The following GSE1 variants were observed in gnomAD, a reference collection of about 807,000 sequenced individuals.
GSE1 encodes the protein Gse1 coiled-coil protein, also known as genetic suppressor element 1.
Under a neutral mutation model 112.6 loss-of-function variants are expected in GSE1, and 32 were observed. That is an observed-to-expected ratio of 0.28 (90% CI 0.21 to 0.38). The LOEUF (loss-of-function observed/expected upper bound fraction) is 0.38, where lower values mean the gene tolerates loss of function less well. Among genes scored for constraint, GSE1 ranks in the 10% least tolerant of loss-of-function variants. The pLI, the probability that GSE1 is intolerant of heterozygous loss-of-function variation, is 1.00. For synonymous variants in GSE1, 1,115 were observed against 735.6 expected, an observed-to-expected ratio of 1.52 and a Z score of -8.35; for missense variants, 2,348 against 1,699.2, an observed-to-expected ratio of 1.38 and a Z score of -6.71.
chr16:85,613,924 C>A (rs1185897922), intron 1 of GSE1, among the ~76,000 whole-genome samples: 1 of 150,560 alleles, frequency 6.6e-6, no homozygotes, highest in Non-Finnish European at 1.5e-5. Context: ...TCCCCTCCCC[C>A]TCCCCGACCC....
At chr16:85,658,692 G>A (rs1323223069) in intron 8 of GSE1, among the ~76,000 whole-genome samples, 2 of 152,260 alleles carry the variant, frequency 1.3e-5, no homozygotes, top group Middle Eastern at 3.4e-3. Flanking sequence ...CCCAGCCCCC[G>A]TCCCTGAGGC....
intron 2 of GSE1, among the ~76,000 whole-genome samples, chr16:85,638,819 G>C (rs576605034): frequency 6.6e-6 from 1 of 151,648 alleles, no homozygotes; most frequent in Non-Finnish European, 1.5e-5. Context: ...CTGGGAGGGC[G>C]TGTGCTTCCC....
chr16:85,533,854 G>A (rs1354233399), intron 2 of GSE1, among the ~76,000 whole-genome samples: 1 of 152,162 alleles, frequency 6.6e-6, no homozygotes, highest in Non-Finnish European at 1.5e-5. Flanking sequence ...AACAGAGGGA[G>A]ACCCTGTCTT....
At chr16:85,446,747 G>A (rs575537893) in intron 2 of GSE1, among the ~76,000 whole-genome samples, 14 of 152,284 alleles carry the variant, frequency 9.2e-5, no homozygotes, top group Admixed American at 6.5e-4. Flanking sequence ...TGGTGGAGGC[G>A]GTAGCCTGCG....
intron 1 of GSE1, among the ~76,000 whole-genome samples, chr16:85,603,946 T>C (rs2047574067): frequency 6.6e-6 from 1 of 152,240 alleles, no homozygotes; most frequent in South Asian, 2.1e-4. Flanking sequence ...TTTCTTTTTT[T>C]CTTTTTAATT....
rs754414555 is a variant in GSE1, at chr16:85,663,336, C to T, written c.2374-8C>T. ...CTTCAAACTCATTTGTTTTCTTTCC[C>T]AATCTAGAAGCTAGAGTTTTTGCAA... is the stretch of plus-strand genomic sequence containing the variant. On this transcript the variant is annotated splice_region_variant and splice_polypyrimidine_tract_variant and intron_variant, in intron 10 of 15. Coordinates refer to ENST00000253458, the MANE Select transcript of GSE1 (RefSeq NM_014615.5). 12 of 1,613,168 alleles carry T rather than the reference C, an allele frequency of 7.4e-6. No homozygotes were observed. Among genetic ancestry groups the T allele is most frequent in the Non-Finnish European group, 8.5e-6 (10 of 1,179,740 alleles).
intron 1 of GSE1, among the ~76,000 whole-genome samples, chr16:85,220,370 A>C (rs902787931): frequency 1.3e-5 from 2 of 152,224 alleles, no homozygotes; most frequent in African/African-American, 4.8e-5. Context: ...GCGAGGCTCC[A>C]AGCCGGCGAG....
chr16:85,319,092 A>G (rs8049886), intron 1 of GSE1, among the ~76,000 whole-genome samples: 25,162 of 152,096 alleles, frequency 0.17, 2,463 homozygotes, highest in East Asian at 0.32. Context: ...GGGGCCCAGC[A>G]TGTCATAGGC....
chr16:85,191,602 C>G (rs2074822420), intron 1 of GSE1, among the ~76,000 whole-genome samples: 2 of 152,286 alleles, frequency 1.3e-5, no homozygotes, highest in African/African-American at 2.4e-5. Context: ...TACTTTCTAT[C>G]AAGTTGAGAT....
At chr16:85,329,631 G>C (rs1004691488) in intron 1 of GSE1, among the ~76,000 whole-genome samples, 1 of 152,012 alleles carries the variant, frequency 6.6e-6, no homozygotes, top group Non-Finnish European at 1.5e-5. Context: ...AGGTTCGCCT[G>C]TGCCAAGGCT....
intron 2 of GSE1, among the ~76,000 whole-genome samples, chr16:85,423,531 G>A (rs544660464): frequency 6.6e-6 from 1 of 152,284 alleles, no homozygotes; most frequent in East Asian, 1.9e-4. Context: ...AACACAGGCT[G>A]GGGGGCCGCT....
At position 85,463,919 on chromosome 16, in the gene GSE1, A is replaced by G. The variant is rs559374006; in HGVS notation, c.2464+106276A>G. Among the ~76,000 whole-genome samples, 12 of 152,262 alleles carry G rather than the reference A, an allele frequency of 7.9e-5. No homozygotes were observed. The South Asian group carries it at 2.1e-3, about 26-fold the overall frequency. On this transcript the variant is annotated intron_variant, in intron 2 of 2. Transcript: ENST00000637419. The stretch of plus-strand genomic sequence containing the variant: ...AGTGAGGGATGGAGAGAAGCCTTCC[A>G]TGAACAGCAACTCAGGCTACCAAGG...
intron 3 of GSE1, among the ~76,000 whole-genome samples, chr16:85,650,245 G>T (rs2051220988): frequency 6.6e-6 from 1 of 152,136 alleles, no homozygotes; most frequent in Admixed American, 6.5e-5. Context: ...GGAGGCTGAG[G>T]GAGTTGTTAC....
chr16:85,395,764 G>A (rs1420149706), intron 2 of GSE1, among the ~76,000 whole-genome samples: 2 of 152,094 alleles, frequency 1.3e-5, no homozygotes, highest in East Asian at 1.9e-4. Flanking sequence ...AAATCATCCC[G>A]CCTGCCTCCT....
intron 1 of GSE1, among the ~76,000 whole-genome samples, chr16:85,618,385 G>C (rs537857678): frequency 2.0e-5 from 3 of 152,164 alleles, no homozygotes; most frequent in Admixed American, 1.3e-4. Flanking sequence ...TGACAGATGC[G>C]GGTGAGGGTT....
At chr16:85,489,476 G>T (rs890183152) in intron 2 of GSE1, among the ~76,000 whole-genome samples, 1 of 152,030 alleles carries the variant, frequency 6.6e-6, no homozygotes, top group Admixed American at 6.6e-5. Context: ...ACAGGCAGTG[G>T]CATATCGCCC....
At chr16:85,354,499 G>C (rs1189181985) in intron 1 of GSE1, among the ~76,000 whole-genome samples, 1 of 152,350 alleles carries the variant, frequency 6.6e-6, no homozygotes, top group African/African-American at 2.4e-5. Flanking sequence ...CGTGTTTGCT[G>C]CCTTCTTTCC....
At chr16:85,220,185 C>T (rs566177129) in intron 1 of GSE1, among the ~76,000 whole-genome samples, 3 of 152,360 alleles carry the variant, frequency 2.0e-5, no homozygotes, top group South Asian at 2.1e-4. Flanking sequence ...AGCAGCTCGG[C>T]GTTACCCCGC....
intron 2 of GSE1, among the ~76,000 whole-genome samples, chr16:85,508,860 T>C (rs2151927714): frequency 6.6e-6 from 1 of 152,304 alleles, no homozygotes; most frequent in South Asian, 2.1e-4. Context: ...TGTCAGGTCC[T>C]GGGGGATGTA....
Sources: gnomAD v4.1 joint callset for allele counts (sites outside exome capture counted in the v4.1 genomes callset) on GRCh38, gnomAD v4.1.1 for gene constraint, MANE v1.5 for transcripts, NCBI Gene and HGNC (gene_info 2026-07-23, HGNC 2026-07-21) for gene names.